Variants in NAALADL1 observed in about 807,000 individuals in gnomAD.
NAALADL1 encodes the protein aminopeptidase NAALADL1.
A neutral mutation model predicts 82.8 loss-of-function variants in NAALADL1; 77 were observed. The ratio of observed to expected loss-of-function variants is 0.93; its 90% CI spans 0.77 to 1.12. NAALADL1 has a LOEUF of 1.12. Ranked by LOEUF, NAALADL1 falls within the 50% of genes most tolerant of loss-of-function variation. The pLI, the probability that NAALADL1 is intolerant of heterozygous loss-of-function variation, is 0.00. For synonymous variants in NAALADL1, 358 were observed against 399.2 expected, an observed-to-expected ratio of 0.90 and a Z score of 1.23; for missense variants, 956 against 964.0, an observed-to-expected ratio of 0.99 and a Z score of 0.11.
rs564488844 is a variant in NAALADL1 at position 65,054,900 on chromosome 11, A to G, written c.604-162T>C. On this transcript the variant is annotated intron_variant, in intron 4 of 17. Transcript: ENST00000358658. This position sits in a 1 kb window ranked among gnomAD's most constrained non-coding sequence, Gnocchi z 4.3. ...TTATGGCAGTGCCTCTTGCAACAGT[A>G]AAGGCCAGTTCGGCACAGCCAAGCC... Among the ~76,000 whole-genome samples, 1 of 152,342 alleles carries G rather than the reference A, an allele frequency of 6.6e-6. No individual in the cohort carries two copies. Among genetic ancestry groups the G allele is most frequent in the South Asian group, 2.1e-4 (1 of 4,828 alleles).
rs151085893 is a variant in NAALADL1 at position 65,046,032 on chromosome 11, G to T, written c.1938C>A (p.Ser646Arg). The T allele has an allele frequency of 4.3e-6, 7 of 1,613,660 alleles. No homozygotes were observed. In the African/African-American group the frequency reaches 9.3e-5, roughly 22 times the overall value. ...TGCCCGCTGCCCTTGCTCACTCAGG[G>T]CTGCCCTTCTGCAGTGTTGATATGC... ...GQRISTLQKG[S>R]PDPLQVRMLN... The change falls in exon 16 of 18, where the codon AGC becomes AGA. Residue 646 changes from serine to arginine, a missense_variant. Ser to Arg is a moderately radical substitution (Grantham distance 110). Transcript: ENST00000358658.
Position 65,054,443 on chromosome 11 carries a change from G to T in NAALADL1, c.887+12C>A. 1 of 1,613,854 alleles carries T rather than the reference G, an allele frequency of 6.2e-7. No homozygotes were observed. ...CTGGGGCTGGGCAGGACACCCCAGG[G>T]CACAAACTCACCAGAGCAGGTCTCT... On this transcript the variant is annotated intron_variant, in intron 5 of 17. Transcript: ENST00000358658. The surrounding 1 kb of genome is among the most constrained non-coding windows in gnomAD (Gnocchi z 4.3).
At chr11:65,049,361 A>G (rs556468257) in intron 8 of NAALADL1, among the ~76,000 whole-genome samples, 30 of 152,318 alleles carry the variant, frequency 2.0e-4, no homozygotes, top group Middle Eastern at 3.4e-3. Flanking sequence ...CACGCTTGCA[A>G]TTATACATTT....
chr11:65,047,939 C>A (rs752237663), intron 11 of NAALADL1, 42 bp downstream of exon 11: 6 of 1,544,368 alleles, frequency 3.9e-6, no homozygotes, highest in Non-Finnish European at 5.2e-6. Context: ...GCACGCGGCC[C>A]GCCCCAGCTA....
intron 8 of NAALADL1, among the ~76,000 whole-genome samples, chr11:65,051,428 C>T (rs1946887107): frequency 6.7e-6 from 1 of 148,150 alleles, no homozygotes; most frequent in South Asian, 2.2e-4. Context: ...CCTCAACCTC[C>T]CAGGCTCAAG....
At chr11:65,057,552 G>C (rs972977813) in intron 3 of NAALADL1, 59 bp from the exon 4 acceptor site, 37 of 1,564,558 alleles carry the variant, frequency 2.4e-5, no homozygotes, top group South Asian at 1.4e-4. Flanking sequence ...GGTGGGGAAG[G>C]GGGGTGGAAG....
At chr11:65,047,341 T>TG (rs1565221399) in intron 13 of NAALADL1, 134 bp downstream of exon 13, 121 of 703,932 alleles carry the variant, frequency 1.7e-4, no homozygotes, top group African/African-American at 2.2e-4. Flanking sequence ...GTGTGTGTGT[T>TG]TTTTTTTAAG....
At chr11:65,058,714 C>T (rs549910830), upstream of NAALADL1, among the ~76,000 whole-genome samples, 2 of 152,308 alleles carry the variant, frequency 1.3e-5, no homozygotes, top group South Asian at 4.1e-4. Flanking sequence ...CACCATTTGC[C>T]TGGAATGGCT....
intron 17 of NAALADL1, 136 bp downstream of exon 17, chr11:65,045,686 G>A (rs558672963): frequency 9.2e-6 from 9 of 977,510 alleles, no homozygotes; most frequent in Non-Finnish European, 1.4e-5. Flanking sequence ...TCCCCTCCCT[G>A]AGCCTTACAT....
At chr11:65,045,522 C>A (rs897862117) in intron 17 of NAALADL1, 65 bp from the exon 18 acceptor site, 3 of 1,483,256 alleles carry the variant, frequency 2.0e-6, no homozygotes, top group Non-Finnish European at 2.7e-6. Flanking sequence ...GAAGCCTGGG[C>A]CTAGAACTGG....
At chr11:65,056,593 G>T (rs1439135507) in intron 4 of NAALADL1, among the ~76,000 whole-genome samples, 1 of 151,928 alleles carries the variant, frequency 6.6e-6, no homozygotes, top group East Asian at 1.9e-4. Context: ...TTTTAGTAGA[G>T]ATGGGGTTTC....
At position 65,054,791 on chromosome 11, in the gene NAALADL1, T is replaced by C; in HGVS notation, c.604-53A>G. The stretch of plus-strand genomic sequence containing the variant: ...AAGGGAGGGACCGGGACCAGATATG[T>C]CCTATTCCTCTTCCTCCTTCCTCGA... On this transcript the variant is annotated intron_variant, in intron 4 of 17. Coordinates refer to ENST00000358658, the MANE Select transcript of NAALADL1 (RefSeq NM_005468.3). The surrounding 1 kb of genome is among the most constrained non-coding windows in gnomAD (Gnocchi z 4.3). 1 of 1,571,164 alleles carries C rather than the reference T, an allele frequency of 6.4e-7. No individual in the cohort carries two copies. The highest frequency in any genetic ancestry group is 8.6e-7 in the Non-Finnish European group (1 of 1,158,190).
rs376971678 is a variant in NAALADL1, at chr11:65,045,974, G to A, written c.1943+53C>T. 86 of 1,611,606 alleles carry A rather than the reference G, an allele frequency of 5.3e-5. No individual in the cohort carries two copies. In the African/African-American group the frequency reaches 1.1e-3, roughly 20 times the overall value. The stretch of plus-strand genomic sequence containing the variant: ...AGCCAGCAGCCCAGCTACCAGCCTG[G>A]TATCCTGCCCTGGGTGCTGCCCTCC... On this transcript the variant is annotated intron_variant, in intron 16 of 17. Coordinates refer to ENST00000358658, the MANE Select transcript of NAALADL1 (RefSeq NM_005468.3).
At chr11:65,045,536 A>G in intron 17 of NAALADL1, 79 bp from the exon 18 acceptor site, 1 of 1,423,782 alleles carries the variant, frequency 7.0e-7, no homozygotes, top group Admixed American at 2.4e-5. Flanking sequence ...GAACTGGCTC[A>G]GCTCCTGTAC....
intron 4 of NAALADL1, among the ~76,000 whole-genome samples, chr11:65,056,891 A>G (rs1157245701): frequency 6.6e-6 from 1 of 150,772 alleles, no homozygotes; most frequent in Non-Finnish European, 1.5e-5. Flanking sequence ...CTAATTTTGT[A>G]TTTTGAGTAG....
rs1041122146 is a variant in NAALADL1 at position 65,045,087 on chromosome 11, C to T, written c.*184G>A. ...TGCCCACCCTCTGCCACCTAAGCAC[C>T]AGGATGAGGGTGAGTTGCATTAGGG... On this transcript the variant is annotated 3_prime_UTR_variant, in exon 18 of 18. Coordinates refer to ENST00000358658, the MANE Select transcript of NAALADL1 (RefSeq NM_005468.3). 8.7e-6 allele frequency: 6 copies of T among 690,444 alleles called. No homozygotes were observed. Among genetic ancestry groups the T allele is most frequent in the Non-Finnish European group, 1.4e-5 (6 of 422,218 alleles). The allele number at this position is 690,444 out of a possible 1,614,324, so 42.8% of individuals were successfully genotyped here. A position where few individuals can be genotyped will look rare whatever the true frequency, so the allele number is the denominator to read the frequency against.
At position 65,048,352 on chromosome 11, in the gene NAALADL1, G is replaced by T. The variant is rs761990116; in HGVS notation, c.1232C>A (p.Ala411Glu). 1.9e-6 allele frequency: 3 copies of T among 1,614,162 alleles called. No individual in the cohort carries two copies. The highest frequency in any genetic ancestry group is 2.5e-6 in the Non-Finnish European group (3 of 1,180,022). The change falls in exon 9 of 18, where the codon GCG becomes GAG. Residue 411 changes from alanine to glutamate, a missense_variant. Transcript: ENST00000358658. ...TWRPRRSIVF[A>E]SWGAEEFGLI... Reference sequence around the variant, plus strand: ...CCCAAACTCCTCAGCCCCCCAGCTCGCAAACACGATTGATCTGCGAGGACG... The same window carrying T: ...CCCAAACTCCTCAGCCCCCCAGCTCTCAAACACGATTGATCTGCGAGGACG...
intron 3 of NAALADL1, 78 bp from the exon 4 acceptor site, chr11:65,057,571 G>C: frequency 1.3e-6 from 2 of 1,517,214 alleles, no homozygotes; most frequent in Non-Finnish European, 1.8e-6. Flanking sequence ...AGTTTGCATG[G>C]CAGGAGGGAG....
Position 65,048,170 on chromosome 11 carries a change from C to G in NAALADL1, c.1330G>C (p.Val444Leu), listed in dbSNP as rs752761934. 6.2e-7 allele frequency: 1 copy of G among 1,614,098 alleles called. No individual in the cohort carries two copies. The highest frequency in any genetic ancestry group is 8.5e-7 in the Non-Finnish European group (1 of 1,180,016). The change falls in exon 10 of 18, where the codon GTG becomes CTG. Residue 444 changes from valine (V) to leucine (L), a missense_variant. Val to Leu is a conservative substitution (Grantham distance 32). Coordinates refer to ENST00000358658, the MANE Select transcript of NAALADL1 (RefSeq NM_005468.3). Reference sequence around the variant, plus strand: ...CACATACCAAACACCGAGATGTCCACGTTGATGTAGGCCACCGTGCGCTCC... The same window carrying G: ...CACATACCAAACACCGAGATGTCCAGGTTGATGTAGGCCACCGTGCGCTCC... ...LQERTVAYIN[V>L]DISVFANATL...
Sources: allele counts gnomAD v4.1 joint callset (sites outside exome capture counted in the v4.1 genomes callset), GRCh38; gene constraint gnomAD v4.1.1; non-coding constraint Gnocchi (gnomAD v3.1); transcripts MANE v1.5; gene names NCBI Gene and HGNC (gene_info 2026-07-23, HGNC 2026-07-21).